Variants in TBC1D5 observed in about 807,000 individuals in gnomAD.
TBC1D5 encodes TBC1 domain family, member 5.
TBC1D5 carries 75 observed loss-of-function variants against 100.3 expected under a neutral mutation model. The observed-to-expected ratio is 0.75, with a 90% CI of 0.62 to 0.91. The LOEUF (loss-of-function observed/expected upper bound fraction) is 0.91, where lower values mean the gene tolerates loss of function less well. TBC1D5 is among the 40% of genes least tolerant of loss of function. The pLI is 0.00. For missense variants in TBC1D5, 910 were observed against 942.4 expected (o/e 0.97, Z 0.45); for synonymous variants, 323 against 325.6 (o/e 0.99, Z 0.09).
chr3:17,412,213 A>C (rs2093945620), intron 4 of TBC1D5, among the ~76,000 whole-genome samples: 1 of 152,214 alleles, frequency 6.6e-6, no homozygotes, highest in Middle Eastern at 3.4e-3. Flanking sequence ...AAATAACAGT[A>C]GCACCATAGC....
chr3:17,278,108 AT>A (rs2080213470), intron 15 of TBC1D5, among the ~76,000 whole-genome samples: 1 of 152,242 alleles, frequency 6.6e-6, no homozygotes, highest in Non-Finnish European at 1.5e-5. Flanking sequence ...CTTAGGAAAT[AT>A]AAAAAGCATC....
intron 2 of TBC1D5, among the ~76,000 whole-genome samples, chr3:17,579,820 T>C (rs879568269): frequency 1.3e-5 from 2 of 152,212 alleles, no homozygotes; most frequent in African/African-American, 2.4e-5. Context: ...CTGTTATCAC[T>C]ACAGAGAGCT....
intron 13 of TBC1D5, among the ~76,000 whole-genome samples, chr3:17,328,313 GC>G (rs1260971637): frequency 6.6e-6 from 1 of 151,726 alleles, no homozygotes; most frequent in Non-Finnish European, 1.5e-5. Flanking sequence ...GTCTTTGTCA[GC>G]ACACACTACA....
chr3:17,647,415 G>A (rs969082756), intron 1 of TBC1D5, among the ~76,000 whole-genome samples: 2 of 152,146 alleles, frequency 1.3e-5, no homozygotes, highest in African/African-American at 2.4e-5. Context: ...AGGGAATAAG[G>A]GAAGTTGGCG....
intron 1 of TBC1D5, among the ~76,000 whole-genome samples, chr3:17,695,130 C>T (rs1274727641): frequency 2.6e-5 from 4 of 152,154 alleles, no homozygotes; most frequent in Non-Finnish European, 4.4e-5. Context: ...CGGTACAAGC[C>T]ACTGCAAAAA....
rs184104247 is a variant in TBC1D5, at chr3:17,552,331, G to A, written c.-35-43726C>T. ...AATCATAATTCAAGTAGAGAATTTT[G>A]GAAAGATTTCAAAGGAAAATCAAAA... is the stretch of plus-strand genomic sequence containing the variant. On this transcript the variant is annotated intron_variant, in intron 2 of 21. Coordinates refer to ENST00000253692, the Ensembl canonical transcript of TBC1D5. Among the ~76,000 whole-genome samples the A allele has an allele frequency of 3.5e-3, 531 of 152,142 alleles. 3 individuals carry two copies. The highest frequency in any genetic ancestry group is 0.012 in the African/African-American group (503 of 41,550).
chr3:17,584,186 T>C (rs1160455684), intron 2 of TBC1D5, among the ~76,000 whole-genome samples: 1 of 152,216 alleles, frequency 6.6e-6, no homozygotes. Flanking sequence ...AGCCTAGGGC[T>C]AAGGCAGAAT....
intron 16 of TBC1D5, among the ~76,000 whole-genome samples, chr3:17,256,664 TC>T (rs2077720247): frequency 6.6e-6 from 1 of 152,094 alleles, no homozygotes; most frequent in Admixed American, 6.6e-5. Context: ...CCTATACCAG[TC>T]ATCATTGTCC....
chr3:17,609,487 C>G (rs930541143), intron 2 of TBC1D5, among the ~76,000 whole-genome samples: 1 of 152,160 alleles, frequency 6.6e-6, no homozygotes, highest in Non-Finnish European at 1.5e-5. Flanking sequence ...TTCTTTCCAA[C>G]CACCGACCTG....
intron 1 of TBC1D5, among the ~76,000 whole-genome samples, chr3:17,686,149 T>C (rs1291703541): frequency 6.6e-6 from 1 of 152,082 alleles, no homozygotes; most frequent in East Asian, 1.9e-4. Flanking sequence ...TAATGCTATC[T>C]TCAATCTGGG....
chr3:17,186,710 C>CAAAAAAAAAAAAAAA (rs58438478), intron 18 of TBC1D5, among the ~76,000 whole-genome samples: 4 of 27,280 alleles, frequency 1.5e-4, no homozygotes, highest in Non-Finnish European at 1.4e-4. Flanking sequence ...ACTCTATCTC[C>CAAAAAAAAAAAAAAA]AAAAAAAAAA....
chr3:17,502,317 A>G lies in TBC1D5; in HGVS notation c.97+6157T>C, dbSNP rs1662448721. Among the ~76,000 whole-genome samples the G allele has an allele frequency of 2.7e-5, 4 of 149,976 alleles. 1 individual carries two copies. In the South Asian group the frequency reaches 8.4e-4, roughly 32 times the overall value. ...GCTTATCACAACAATGACTTTGTCC[A>G]CTGGACACTTCTATTTTCTTAACTT... On this transcript the variant is annotated intron_variant, in intron 3 of 21. Coordinates refer to ENST00000253692, the Ensembl canonical transcript of TBC1D5.
intron 8 of TBC1D5, among the ~76,000 whole-genome samples, chr3:17,396,916 G>C (rs961922463): frequency 1.3e-5 from 2 of 151,982 alleles, no homozygotes; most frequent in Non-Finnish European, 2.9e-5. Context: ...CTGCTGGGGC[G>C]AGCATAATAA....
chr3:17,342,317 T>A (rs1274359246), intron 13 of TBC1D5, among the ~76,000 whole-genome samples: 1 of 152,334 alleles, frequency 6.6e-6, no homozygotes, highest in East Asian at 1.9e-4. Flanking sequence ...AATCTCTTCT[T>A]GCTTGAACCA....
intron 18 of TBC1D5, among the ~76,000 whole-genome samples, chr3:17,197,898 A>C (rs1256275210): frequency 6.6e-6 from 1 of 152,052 alleles, no homozygotes; most frequent in Non-Finnish European, 1.5e-5. Context: ...TTAGCTGGAC[A>C]TGGTGGCTCG....
At chr3:17,690,945 A>G (rs2071065667) in intron 1 of TBC1D5, among the ~76,000 whole-genome samples, 1 of 152,224 alleles carries the variant, frequency 6.6e-6, no homozygotes, top group South Asian at 2.1e-4. Context: ...ATCTAACTTT[A>G]AAACAGAGGA....
chr3:17,181,031 A>G (rs955309508), intron 19 of TBC1D5, among the ~76,000 whole-genome samples: 10 of 152,140 alleles, frequency 6.6e-5, no homozygotes, highest in Non-Finnish European at 8.8e-5. Context: ...AGTAACTCCT[A>G]GAGTAAGTTT....
intron 2 of TBC1D5, among the ~76,000 whole-genome samples, chr3:17,517,684 A>C (rs1388796997): frequency 6.6e-6 from 1 of 152,222 alleles, no homozygotes; most frequent in Non-Finnish European, 1.5e-5. Flanking sequence ...TATTTGACAT[A>C]AAGTAGACAC....
intron 13 of TBC1D5, among the ~76,000 whole-genome samples, chr3:17,349,412 T>C (rs543078759): frequency 6.6e-6 from 1 of 152,222 alleles, no homozygotes; most frequent in African/African-American, 2.4e-5. Context: ...GAAAACCAGT[T>C]GTGTGTATGA....
Sources: gnomAD v4.1 joint callset for allele counts (sites outside exome capture counted in the v4.1 genomes callset) on GRCh38, gnomAD v4.1.1 for gene constraint, MANE v1.5 for transcripts, NCBI Gene and HGNC (gene_info 2026-07-23, HGNC 2026-07-21) for gene names.